PLEKHG4B: variants seen among roughly 807,000 people sequenced by gnomAD.
The protein encoded by PLEKHG4B is pleckstrin homology and RhoGEF domain containing G4B.
In PLEKHG4B, 111 loss-of-function variants were observed where a neutral mutation model predicts 121.3. That is an observed-to-expected ratio of 0.92 (90% CI 0.78 to 1.07). PLEKHG4B has a LOEUF of 1.07. PLEKHG4B is among the 50% of genes least tolerant of loss of function. The pLI is 0.00. For missense variants in PLEKHG4B, 1,831 were observed against 1,757.8 expected, an observed-to-expected ratio of 1.04 and a Z score of -0.74; for synonymous variants, 738 against 725.0, an observed-to-expected ratio of 1.02 and a Z score of -0.29.
intron 1 of PLEKHG4B, among the ~76,000 whole-genome samples, chr5:111,179 G>T (rs1444217054): frequency 6.6e-6 from 1 of 152,246 alleles, no homozygotes; most frequent in Non-Finnish European, 1.5e-5. Flanking sequence ...GCCCTCAAAG[G>T]ACACAGGACT....
In PLEKHG4B at chr5:186,973, C is replaced by T. The variant is rs899470207; in HGVS notation, c.*4650C>T. On this transcript the variant is annotated 3_prime_UTR_variant, in exon 20 of 20. Coordinates refer to ENST00000637938, the MANE Select transcript of PLEKHG4B (RefSeq NM_052909.5). The stretch of plus-strand genomic sequence containing the variant: ...CTGAATGCTCAGGGCTGGTGGTCAG[C>T]GAGGTGGTTTCTAAACCAAGCCCTG... 1.6e-4 allele frequency: 24 copies of T among 152,300 alleles called. No individual in the cohort carries two copies. Among genetic ancestry groups the T allele is most frequent in the Non-Finnish European group, 4.4e-5 (3 of 68,126 alleles). 9.4% of individuals were successfully genotyped at this position (152,300 alleles called of 1,614,324 possible).
At chr5:148,964 G>T (rs115335150) in intron 6 of PLEKHG4B, among the ~76,000 whole-genome samples, 2 of 152,152 alleles carry the variant, frequency 1.3e-5, no homozygotes, top group Non-Finnish European at 2.9e-5. Context: ...ACCATTCAAT[G>T]GAGAAAGGAC....
intron 2 of PLEKHG4B, among the ~76,000 whole-genome samples, chr5:125,039 A>G (rs1734573251): frequency 6.6e-6 from 1 of 152,202 alleles, no homozygotes; most frequent in South Asian, 2.1e-4. Flanking sequence ...AGGCTGAGGC[A>G]CGAGAATCCC....
chr5:165,688 A>C (rs1172045179), intron 13 of PLEKHG4B, among the ~76,000 whole-genome samples: 1 of 38,490 alleles, frequency 2.6e-5, no homozygotes, highest in African/African-American at 9.5e-5. Context: ...GCTCACACTA[A>C]TGCTCTGACG....
At chr5:155,084 C>A in intron 8 of PLEKHG4B, 93 bp downstream of exon 8, 2 of 1,074,644 alleles carry the variant, frequency 1.9e-6, no homozygotes, top group Non-Finnish European at 2.8e-6. Flanking sequence ...AGGGCATCAC[C>A]GTCCCTGATC....
chr5:169,665 A>T, intron 14 of PLEKHG4B, 73 bp downstream of exon 14: 1 of 1,577,310 alleles, frequency 6.3e-7, no homozygotes, highest in Non-Finnish European at 8.6e-7. Flanking sequence ...CGGGGCCTAC[A>T]GGGCCCACGT....
At chr5:93,911 A>G (rs1283998608) in intron 1 of PLEKHG4B, among the ~76,000 whole-genome samples, 2 of 152,212 alleles carry the variant, frequency 1.3e-5, no homozygotes, top group East Asian at 1.9e-4. Context: ...CCCAGATCTC[A>G]GAGATTTTTG....
At chr5:160,256 T>C (rs1444035809) in intron 11 of PLEKHG4B, among the ~76,000 whole-genome samples, 2 of 152,244 alleles carry the variant, frequency 1.3e-5, no homozygotes, top group African/African-American at 4.8e-5. Flanking sequence ...CTGAAGGCCC[T>C]GGGCTCCTCC....
chr5:171,201 C>A lies in PLEKHG4B; in HGVS notation c.3820-13C>A. The A allele has an allele frequency of 1.9e-6, 3 of 1,603,240 alleles. No homozygotes were observed. The highest frequency in any genetic ancestry group is 1.7e-6 in the Non-Finnish European group (2 of 1,172,692). The stretch of plus-strand genomic sequence containing the variant: ...GCCAGGCCGGAGCTGACCCTCTCAC[C>A]CGGCCCTTGCAGGACAAGCAGCGGG... On this transcript the variant is annotated splice_polypyrimidine_tract_variant and intron_variant, in intron 15 of 19. Coordinates refer to ENST00000637938, the MANE Select transcript of PLEKHG4B (RefSeq NM_052909.5).
chr5:142,837 C>T (rs915281337), intron 3 of PLEKHG4B, among the ~76,000 whole-genome samples: 16 of 152,030 alleles, frequency 1.1e-4, no homozygotes, highest in African/African-American at 3.9e-4. Context: ...ACTCCGTCTC[C>T]GTGATGACGC....
rs1489541350 is a variant in PLEKHG4B, at chr5:159,095, T to C, written c.2487+2184T>C. Among the ~76,000 whole-genome samples the C allele has an allele frequency of 6.6e-6, 1 of 151,102 alleles. No homozygotes were observed. Among genetic ancestry groups the C allele is most frequent in the African/African-American group, 2.4e-5 (1 of 40,964 alleles). On this transcript the variant is annotated intron_variant, in intron 11 of 19. Coordinates refer to ENST00000637938, the MANE Select transcript of PLEKHG4B (RefSeq NM_052909.5). This position sits in a 1 kb window ranked among gnomAD's most constrained non-coding sequence, Gnocchi z 5.5. ...TGCTTCTCGGTGGAAGCCACAGACT[T>C]TCCTGTCGTCCTCGGGGCTCTGGAA...
chr5:99,725 T>C (rs1191436354), intron 1 of PLEKHG4B, among the ~76,000 whole-genome samples: 1 of 152,110 alleles, frequency 6.6e-6, no homozygotes, highest in Non-Finnish European at 1.5e-5. Context: ...TTATTTCTTT[T>C]TCTTGTTTGG....
chr5:140,351 AG>A lies in PLEKHG4B; in HGVS notation c.1114del (p.Ala372ProfsTer10), dbSNP rs1302557114. The A allele has an allele frequency of 6.4e-7, 1 of 1,551,674 alleles. No homozygotes were observed. The highest frequency in any genetic ancestry group is 2.4e-5 in the East Asian group (1 of 41,926). On this transcript the variant is annotated frameshift_variant, in exon 3 of 20. Coordinates refer to ENST00000637938, the MANE Select transcript of PLEKHG4B (RefSeq NM_052909.5). LOFTEE classifies it high-confidence loss of function. ...CCCATGCCCCTGGGCAGCTCTGAGGAGGCCCTCGGGGACCTGGCCTGCAGCT... is the reference window on the plus strand; with the variant it reads ...CCCATGCCCCTGGGCAGCTCTGAGGAGCCCTCGGGGACCTGGCCTGCAGCT... ...RNPMPLGSSE[E>X]ALGDLACSSL...
At chr5:161,974 G>A in intron 12 of PLEKHG4B, 30 bp downstream of exon 12, 1 of 1,581,830 alleles carries the variant, frequency 6.3e-7, no homozygotes, top group Non-Finnish European at 8.6e-7. Context: ...TGCGTCCCAG[G>A]GATCCCGGCT....
rs748603403 is a variant in PLEKHG4B, at chr5:163,008, G to A, written c.2936G>A (p.Arg979His). Residue 979 changes from arginine to histidine, a missense_variant, in exon 13 of 20, where the codon CGT becomes CAT. Coordinates refer to ENST00000637938, the MANE Select transcript of PLEKHG4B (RefSeq NM_052909.5). ...GCCCAGAGCCCCCCAAAGCATGAGC[G>A]TGCCCAGGAGGCCATGAGGAGGCAC... ...PLAQSPPKHE[R>H]AQEAMRRHQK... 1.4e-4 allele frequency: 213 copies of A among 1,565,136 alleles called. 2 individuals are homozygous for A. Among genetic ancestry groups the A allele is most frequent in the South Asian group, 1.1e-3 (98 of 85,290 alleles).
At chr5:138,880 C>A (rs1489795834) in intron 2 of PLEKHG4B, among the ~76,000 whole-genome samples, 2 of 152,246 alleles carry the variant, frequency 1.3e-5, no homozygotes, top group Non-Finnish European at 2.9e-5. Flanking sequence ...CTAATGAAAT[C>A]ACATTGGGTG....
chr5:142,851 G>T (rs1003344668), intron 3 of PLEKHG4B, among the ~76,000 whole-genome samples, 196 bp from the exon 4 acceptor site: 2 of 152,076 alleles, frequency 1.3e-5, no homozygotes, highest in African/African-American at 4.8e-5. Flanking sequence ...ATGACGCCGC[G>T]TGTCCGTGAT....
chr5:134,288 A>G (rs1053546568), intron 2 of PLEKHG4B, among the ~76,000 whole-genome samples: 8 of 151,724 alleles, frequency 5.3e-5, no homozygotes, highest in African/African-American at 1.7e-4. Context: ...ATGCAAAGGC[A>G]TAAGAATAAT....
At chr5:138,525 C>A (rs1735051483) in intron 2 of PLEKHG4B, among the ~76,000 whole-genome samples, 2 of 152,172 alleles carry the variant, frequency 1.3e-5, no homozygotes, top group African/African-American at 4.8e-5. Flanking sequence ...GTGGCAAATG[C>A]CCTTTTAAGT....
Sources: gnomAD v4.1 joint callset for allele counts (sites outside exome capture counted in the v4.1 genomes callset) on GRCh38, gnomAD v4.1.1 for gene constraint, Gnocchi (gnomAD v3.1) non-coding constraint, MANE v1.5 for transcripts, NCBI Gene and HGNC (gene_info 2026-07-23, HGNC 2026-07-21) for gene names.